The following FCAR variants were observed in gnomAD, a reference collection of about 807,000 sequenced individuals.
The protein encoded by FCAR is Fc alpha receptor, also known as immunoglobulin alpha Fc receptor.
A neutral mutation model predicts 27.1 loss-of-function variants in FCAR; 21 were observed. The observed-to-expected ratio is 0.77, with a 90% CI of 0.55 to 1.11. FCAR has a LOEUF of 1.11. Ranked by LOEUF, FCAR falls within the 50% of genes most tolerant of loss-of-function variation. The pLI, the probability that FCAR is intolerant of heterozygous loss-of-function variation, is 0.00. For missense variants in FCAR, 404 were observed against 358.4 expected (o/e 1.13, Z -1.03); for synonymous variants, 134 against 135.8 (o/e 0.99, Z 0.09).
Position 54,875,336 on chromosome 19 carries a change from GTC to G in FCAR, c.43_44del (p.Leu15GlyfsTer39), listed in dbSNP as rs1569530098. ...ATAAATCTCTCTCTTCCAGTGCTCT[GTC>G]TGGGCCAGAGGATTCAGGCACAGGA... On this transcript the variant is annotated frameshift_variant, in exon 2 of 5. Coordinates refer to ENST00000355524, the MANE Select transcript of FCAR (RefSeq NM_002000.4). LOFTEE classifies it high-confidence loss of function. The G allele has an allele frequency of 6.2e-7, 1 of 1,613,790 alleles. No homozygotes were observed.
At chr19:54,888,430 A>G in intron 4 of FCAR, 136 bp downstream of exon 4, 1 of 1,449,700 alleles carries the variant, frequency 6.9e-7, no homozygotes, top group South Asian at 1.5e-5. Context: ...TGGAGAGAGA[A>G]AGGCTTCCCC....
chr19:54,875,409 G>A, intron 2 of FCAR, 44 bp downstream of exon 2: 1 of 1,532,438 alleles, frequency 6.5e-7, no homozygotes, highest in Non-Finnish European at 9.0e-7. Context: ...AGACCCTCTT[G>A]GGAGCTCTAG....
Position 54,885,343 on chromosome 19 carries a change from T to C in FCAR, c.179T>C (p.Leu60Pro). 2 of 1,614,054 alleles carry C rather than the reference T, an allele frequency of 1.2e-6. No individual in the cohort carries two copies. Among genetic ancestry groups the C allele is most frequent in the Non-Finnish European group, 1.7e-6 (2 of 1,180,002 alleles). Residue 60 changes from leucine (L) to proline (P), a missense_variant, in exon 3 of 5, where the codon CTG becomes CCG. Coordinates refer to ENST00000355524, the MANE Select transcript of FCAR (RefSeq NM_002000.4). ...QAIREAYLTQ[L>P]MIIKNSTYRE... is the part of the protein sequence containing the mutation. ...ATTCGTGAAGCTTACCTGACCCAGC[T>C]GATGATCATAAAAAACTCCACGTAC...
chr19:54,889,660 C>G lies in FCAR; in HGVS notation c.661C>G (p.Gln221Glu). Residue 221 changes from glutamine (Q) to glutamate (E), a missense_variant, in exon 5 of 5, where the codon CAA becomes GAA. Transcript: ENST00000355524. ...LELVVTDSIH[Q>E]DYTTQNLIRM... The stretch of plus-strand genomic sequence containing the variant: ...AATTGTGTCTCCAGACTCCATCCAC[C>G]AAGATTACACGACGCAGAACTTGAT... 6.2e-7 allele frequency: 1 copy of G among 1,613,718 alleles called. No homozygotes were observed. Among genetic ancestry groups the G allele is most frequent in the East Asian group, 2.2e-5 (1 of 44,856 alleles).
intron 2 of FCAR, among the ~76,000 whole-genome samples, chr19:54,884,338 A>T (rs2066584749): frequency 6.6e-6 from 1 of 152,078 alleles, no homozygotes; most frequent in Admixed American, 6.6e-5. Flanking sequence ...CCTCTGCAAA[A>T]ACCCCAGTTG....
intron 3 of FCAR, among the ~76,000 whole-genome samples, chr19:54,886,474 A>G (rs971819813): frequency 6.6e-6 from 1 of 150,946 alleles, no homozygotes; most frequent in African/African-American, 2.4e-5. Flanking sequence ...CGCCTGGCTA[A>G]TTTTTTGTAT....
At chr19:54,887,742 C>A (rs777670665) in intron 3 of FCAR, among the ~76,000 whole-genome samples, 2 of 151,620 alleles carry the variant, frequency 1.3e-5, no homozygotes, top group Non-Finnish European at 2.9e-5. Context: ...CATGGAGAGA[C>A]CCCGTCTCTA....
At chr19:54,876,614 T>C (rs1211040854) in intron 2 of FCAR, among the ~76,000 whole-genome samples, 1 of 152,166 alleles carries the variant, frequency 6.6e-6, no homozygotes, top group Non-Finnish European at 1.5e-5. Context: ...ATGTGATGAA[T>C]CATATTTAAG....
chr19:54,883,277 A>G (rs1201205361), intron 2 of FCAR, among the ~76,000 whole-genome samples: 1 of 150,142 alleles, frequency 6.7e-6, no homozygotes, highest in Non-Finnish European at 1.5e-5. Flanking sequence ...TTGGCCCCCT[A>G]ACTCTTGTAT....
chr19:54,886,267 G>T (rs1217185593), intron 3 of FCAR, among the ~76,000 whole-genome samples: 1 of 133,608 alleles, frequency 7.5e-6, no homozygotes, highest in African/African-American at 2.8e-5. Flanking sequence ...CACACAAAAA[G>T]ATTTCACATT....
At chr19:54,884,087 G>A (rs1043937737) in intron 2 of FCAR, among the ~76,000 whole-genome samples, 2 of 152,226 alleles carry the variant, frequency 1.3e-5, no homozygotes, top group African/African-American at 4.8e-5. Flanking sequence ...GGTGGGTGGA[G>A]TCACCCACTT....
chr19:54,877,938 T>C (rs2066186790), intron 2 of FCAR, among the ~76,000 whole-genome samples: 1 of 134,932 alleles, frequency 7.4e-6, no homozygotes, highest in South Asian at 2.5e-4. Context: ...TTTTTTGAAA[T>C]GGAGTCTTGC....
chr19:54,888,245 C>T lies in FCAR; in HGVS notation c.600C>T (p.Ser200=). Residue 200 remains serine (S), a synonymous_variant, in exon 4 of 5, where the codon AGC becomes AGT. Transcript: ENST00000355524. ...GGTGCTACGGTTGGTACAACAGGAG[C>T]CCCTACCTGTGGTCCTTCCCCAGTA... ...IYRCYGWYNR[S]PYLWSFPSNA... 1 of 1,614,148 alleles carries T rather than the reference C, an allele frequency of 6.2e-7. No individual in the cohort carries two copies.
At chr19:54,886,262 A>AC (rs927463803) in intron 3 of FCAR, among the ~76,000 whole-genome samples, 45,212 of 144,910 alleles carry the variant, frequency 0.31, 7,431 homozygotes, top group Admixed American at 0.43. Flanking sequence ...ACACACACAC[A>AC]AAAAGATTTC....
intron 2 of FCAR, 84 bp from the exon 3 acceptor site, chr19:54,885,151 T>A: frequency 1.7e-6 from 2 of 1,209,344 alleles, no homozygotes; most frequent in African/African-American, 3.1e-5. Context: ...CACACCCTAA[T>A]GTATTTTTAC....
intron 3 of FCAR, among the ~76,000 whole-genome samples, chr19:54,887,071 T>G (rs587749688): frequency 0.012 from 1,396 of 118,572 alleles, 29 homozygotes; most frequent in African/African-American, 0.039. Flanking sequence ...ATCCCAGCAC[T>G]TTGAGAAGCC....
At chr19:54,887,207 G>T (rs937887698) in intron 3 of FCAR, among the ~76,000 whole-genome samples, 1 of 152,200 alleles carries the variant, frequency 6.6e-6, no homozygotes, top group Admixed American at 6.5e-5. Context: ...TTACTTGAGA[G>T]GCTGAGATGG....
At position 54,891,223 on chromosome 19, in the gene FCAR, T is replaced by G. The variant is rs887655167; in HGVS notation, c.*1360T>G. On this transcript the variant is annotated 3_prime_UTR_variant, in exon 5 of 5. Transcript: ENST00000355524. Reference sequence around the variant, plus strand: ...AGTTGGTCATATGTGGCTCTTTCACTGATTGCTATTTACTTCATTGTCCAG... The same window carrying G: ...AGTTGGTCATATGTGGCTCTTTCACGGATTGCTATTTACTTCATTGTCCAG... The G allele has an allele frequency of 6.6e-6, 1 of 152,192 alleles. No homozygotes were observed. The highest frequency in any genetic ancestry group is 1.5e-5 in the Non-Finnish European group (1 of 68,034). 9.4% of individuals were successfully genotyped at this position (152,192 alleles called of 1,614,324 possible).
At position 54,888,153 on chromosome 19, in the gene FCAR, C is replaced by G; in HGVS notation, c.508C>G (p.Gln170Glu). 1 of 1,614,138 alleles carries G rather than the reference C, an allele frequency of 6.2e-7. No individual in the cohort carries two copies. The highest frequency in any genetic ancestry group is 8.5e-7 in the Non-Finnish European group (1 of 1,180,012). Residue 170 changes from glutamine to glutamate, a missense_variant, in exon 4 of 5, where the codon CAA becomes GAA. Gln to Glu is a conservative substitution (Grantham distance 29). Coordinates refer to ENST00000355524, the MANE Select transcript of FCAR (RefSeq NM_002000.4). The stretch of plus-strand genomic sequence containing the variant: ...GGGAGAACTTTCTCTGCCACAGCAC[C>G]AAAGTGGGGAACACCCGGCCAACTT... ...KEGELSLPQH[Q>E]SGEHPANFSL...
Sources: allele counts gnomAD v4.1 joint callset (sites outside exome capture counted in the v4.1 genomes callset), GRCh38; gene constraint gnomAD v4.1.1; transcripts MANE v1.5; gene names NCBI Gene and HGNC (gene_info 2026-07-23, HGNC 2026-07-21).